The following EFR3A variants were observed in gnomAD, a reference collection of about 807,000 sequenced individuals.
The protein encoded by EFR3A is protein EFR3 homolog A.
EFR3A carries 76 observed loss-of-function variants against 104.4 expected under a neutral mutation model. That is an observed-to-expected ratio of 0.73 (90% confidence interval 0.60 to 0.88). EFR3A has a LOEUF of 0.88. EFR3A is among the 40% of genes least tolerant of loss of function. The pLI is 0.00. For synonymous variants in EFR3A, 330 were observed against 330.0 expected (o/e 1.00, Z 0.00); for missense variants, 985 against 1,012.5 (o/e 0.97, Z 0.37).
Position 131,985,652 on chromosome 8 carries a change from G to C in EFR3A, c.1870-542G>C, listed in dbSNP as rs138681618. Reference sequence around the variant, plus strand: ...ATCATTTAGTCCTTGCTAAAATGTAGACTTGTAGTGTACTCTAAGAAACAA... The same window carrying C: ...ATCATTTAGTCCTTGCTAAAATGTACACTTGTAGTGTACTCTAAGAAACAA... On this transcript the variant is annotated intron_variant, in intron 16 of 22. Coordinates refer to ENST00000254624, the MANE Select transcript of EFR3A (RefSeq NM_015137.6). 6.8e-4 allele frequency among the ~76,000 whole-genome samples: 103 copies of C among 152,274 alleles called. 1 individual carries two copies. In the East Asian group the frequency reaches 0.018, roughly 26 times the overall value.
intron 1 of EFR3A, among the ~76,000 whole-genome samples, chr8:131,904,958 G>C (rs982487559): frequency 6.6e-6 from 1 of 152,184 alleles, no homozygotes; most frequent in Admixed American, 6.5e-5. Flanking sequence ...TTGGGCCCCG[G>C]AGTCTGCATG....
rs750264439 is a variant in EFR3A at position 131,984,316 on chromosome 8, C to A, written c.1737+16C>A. 49 of 1,519,524 alleles carry A rather than the reference C, an allele frequency of 3.2e-5. No homozygotes were observed. The highest frequency in any genetic ancestry group is 4.1e-5 in the Non-Finnish European group (47 of 1,135,062). The allele number at this position is 1,519,524 out of a possible 1,614,324, so 94.1% of individuals were successfully genotyped here. A position where few individuals can be genotyped will look rare whatever the true frequency, so the allele number is the denominator to read the frequency against. Reference sequence around the variant, plus strand: ...TGCTTTACAGGTATGCTTTCATAACCGTTCACTGCAGAAAACATTTTTTAT... The same window carrying A: ...TGCTTTACAGGTATGCTTTCATAACAGTTCACTGCAGAAAACATTTTTTAT... On this transcript the variant is annotated intron_variant, in intron 15 of 22. Coordinates refer to ENST00000254624, the MANE Select transcript of EFR3A (RefSeq NM_015137.6).
In EFR3A at chr8:131,968,336, C is replaced by T. The variant is rs1586622920; in HGVS notation, c.897C>T (p.His299=). 5.0e-6 allele frequency: 8 copies of T among 1,613,382 alleles called. No individual in the cohort carries two copies. In the East Asian group the frequency reaches 1.8e-4, roughly 36 times the overall value. The part of the protein sequence containing the change: ...SHHVIQEILG[H]LDARKKDAPR... ...ATGTGATCCAGGAGATTCTAGGACA[C>T]CTTGATGCTCGTAAAAAAGATGCTC... The change falls in exon 9 of 23, where the codon CAC becomes CAT. Residue 299 remains histidine, a synonymous_variant. Coordinates refer to ENST00000254624, the MANE Select transcript of EFR3A (RefSeq NM_015137.6).
chr8:131,971,993 T>C (rs1820079568), intron 10 of EFR3A, among the ~76,000 whole-genome samples: 1 of 152,192 alleles, frequency 6.6e-6, no homozygotes, highest in Non-Finnish European at 1.5e-5. Context: ...TTTACCATGA[T>C]GGCTGCAAAA....
At position 131,976,138 on chromosome 8, in the gene EFR3A, T is replaced by G. The variant is rs1161840923; in HGVS notation, c.1271T>G (p.Leu424Arg). The G allele has an allele frequency of 6.5e-7, 1 of 1,544,840 alleles. No individual in the cohort carries two copies. Among genetic ancestry groups the G allele is most frequent in the Non-Finnish European group, 8.9e-7 (1 of 1,125,508 alleles). Residue 424 changes from leucine to arginine, a missense_variant, in exon 11 of 23, where the codon CTA (leucine) becomes CGA (arginine). By Grantham distance (102) the Leu-to-Arg change is moderately radical. Coordinates refer to ENST00000254624, the MANE Select transcript of EFR3A (RefSeq NM_015137.6). ...TSTHTLDISQ[L>R]GDLGTRRIQI... The stretch of plus-strand genomic sequence containing the variant: ...ACCCATACTTTGGATATCAGTCAAC[T>G]AGGGTATGTTCTCAGACTGTAAATT...
In EFR3A at chr8:131,987,710, G is replaced by A; in HGVS notation, c.2065+8G>A. On this transcript the variant is annotated splice_region_variant and intron_variant, in intron 18 of 22. Transcript: ENST00000254624. ...ATGTACCACAAGTAACAGGTAAGAGGAGGATAATTAGAACTTTCACTCTGG... is the reference window on the plus strand; with the variant it reads ...ATGTACCACAAGTAACAGGTAAGAGAAGGATAATTAGAACTTTCACTCTGG... 1 of 1,577,908 alleles carries A rather than the reference G, an allele frequency of 6.3e-7. No homozygotes were observed. The highest frequency in any genetic ancestry group is 1.2e-5 in the South Asian group (1 of 84,870).
At chr8:131,975,219 A>G (rs964988378) in intron 10 of EFR3A, among the ~76,000 whole-genome samples, 29 of 152,164 alleles carry the variant, frequency 1.9e-4, no homozygotes, top group African/African-American at 6.8e-4. Context: ...GGGGTAAACT[A>G]TAAACTTGGC....
rs547290548 is a variant in EFR3A at position 131,998,708 on chromosome 8, A to G, written c.2157+2211A>G. 3.5e-3 allele frequency among the ~76,000 whole-genome samples: 531 copies of G among 152,140 alleles called. 2 individuals carry two copies. Among genetic ancestry groups the G allele is most frequent in the Non-Finnish European group, 6.1e-3 (414 of 67,896 alleles). On this transcript the variant is annotated intron_variant, in intron 19 of 22. Coordinates refer to ENST00000254624, the MANE Select transcript of EFR3A (RefSeq NM_015137.6). ...GCTGATGCCATAAAATGTATTATTGATATTTTTATCATAAAGCAGTTGATT... is the reference window on the plus strand; with the variant it reads ...GCTGATGCCATAAAATGTATTATTGGTATTTTTATCATAAAGCAGTTGATT...
chr8:131,965,644 G>T (rs891936070), intron 8 of EFR3A, among the ~76,000 whole-genome samples: 6 of 152,124 alleles, frequency 3.9e-5, no homozygotes, highest in African/African-American at 1.4e-4. Context: ...ATTGTGGAAG[G>T]CAGTGTGGCA....
At chr8:131,970,782 A>C (rs1204255542) in intron 10 of EFR3A, 139 bp downstream of exon 10, 1 of 789,330 alleles carries the variant, frequency 1.3e-6, no homozygotes, top group East Asian at 2.7e-5. Context: ...TTTCGAAAAC[A>C]AGCAAGCATG....
chr8:131,962,085 G>A (rs1450368752), intron 8 of EFR3A, among the ~76,000 whole-genome samples: 4 of 152,172 alleles, frequency 2.6e-5, no homozygotes, highest in Admixed American at 1.3e-4. Context: ...GGAACAACCG[G>A]TACCAGCCAC....
intron 1 of EFR3A, among the ~76,000 whole-genome samples, chr8:131,915,778 A>C (rs1443566127): frequency 6.6e-6 from 1 of 152,244 alleles, no homozygotes. Flanking sequence ...ATAACCATTA[A>C]GCAGTTTAAG....
intron 7 of EFR3A, among the ~76,000 whole-genome samples, chr8:131,958,393 A>G (rs1183701017): frequency 6.6e-6 from 1 of 152,154 alleles, no homozygotes; most frequent in African/African-American, 2.4e-5. Context: ...AAATTCTCTG[A>G]ATGTGTTTCT....
At chr8:131,971,410 C>T (rs1157142651) in intron 10 of EFR3A, among the ~76,000 whole-genome samples, 3 of 152,068 alleles carry the variant, frequency 2.0e-5, no homozygotes, top group Admixed American at 6.6e-5. Flanking sequence ...GTGATTAGGC[C>T]GTGCGCGGTG....
At chr8:131,905,758 G>A (rs1816227542) in intron 1 of EFR3A, among the ~76,000 whole-genome samples, 1 of 152,186 alleles carries the variant, frequency 6.6e-6, no homozygotes, top group African/African-American at 2.4e-5. Flanking sequence ...CTAGCACTAT[G>A]CTAATCTTTT....
At chr8:131,918,693 T>C (rs959984215) in intron 1 of EFR3A, among the ~76,000 whole-genome samples, 1 of 152,248 alleles carries the variant, frequency 6.6e-6, no homozygotes. Context: ...GTGGGTGTTA[T>C]GGAATCTATA....
rs114452307 is a variant in EFR3A at position 131,930,967 on chromosome 8, C to T, written c.11-9532C>T. On this transcript the variant is annotated intron_variant, in intron 1 of 22. Transcript: ENST00000254624. ...CAGTTTCCCGAATACCTGAAGTACA[C>T]AATAAGAAAAAGTCATATGCTAAAT... Among the ~76,000 whole-genome samples the T allele has an allele frequency of 7.3e-3, 1,118 of 152,154 alleles. 12 individuals are homozygous for T. Among genetic ancestry groups the T allele is most frequent in the African/African-American group, 0.026 (1,068 of 41,512 alleles).
At chr8:131,960,842 C>G (rs954212693) in intron 8 of EFR3A, among the ~76,000 whole-genome samples, 2 of 152,160 alleles carry the variant, frequency 1.3e-5, no homozygotes, top group African/African-American at 4.8e-5. Flanking sequence ...TGGGATCAGA[C>G]AGAGTTCACT....
chr8:131,928,345 A>T (rs994961358), intron 1 of EFR3A, among the ~76,000 whole-genome samples: 5 of 152,150 alleles, frequency 3.3e-5, no homozygotes, highest in Admixed American at 2.6e-4. Flanking sequence ...GTTTCTGCAG[A>T]CATTATACAA....
Sources: allele counts gnomAD v4.1 joint callset (sites outside exome capture counted in the v4.1 genomes callset), GRCh38; gene constraint gnomAD v4.1.1; transcripts MANE v1.5; gene names NCBI Gene and HGNC (gene_info 2026-07-23, HGNC 2026-07-21).